NXPH1: variants seen among roughly 807,000 people sequenced by gnomAD.
The protein encoded by NXPH1 is neurexophilin-1.
NXPH1 carries 5 observed loss-of-function variants against 23.7 expected under a neutral mutation model. The observed-to-expected ratio is 0.21, with a 90% CI of 0.11 to 0.44. NXPH1 has a LOEUF of 0.44. Among genes scored for constraint, NXPH1 ranks in the 20% least tolerant of loss-of-function variants. The pLI, the probability that NXPH1 is intolerant of heterozygous loss-of-function variation, is 0.99. For synonymous variants in NXPH1, 144 were observed against 122.2 expected, an observed-to-expected ratio of 1.18 and a Z score of -1.18; for missense variants, 324 against 321.6, an observed-to-expected ratio of 1.01 and a Z score of -0.06.
chr7:8,595,892 T>A (rs1819212022), intron 2 of NXPH1, among the ~76,000 whole-genome samples: 1 of 152,042 alleles, frequency 6.6e-6, no homozygotes, highest in Admixed American at 6.6e-5. Flanking sequence ...TGTTCTCTAC[T>A]CTTAAAAGGT....
chr7:8,537,645 C>G (rs934691088), intron 2 of NXPH1, among the ~76,000 whole-genome samples: 1 of 151,880 alleles, frequency 6.6e-6, no homozygotes, highest in Non-Finnish European at 1.5e-5. Context: ...AGTGGGGACA[C>G]AGCAAAACCA....
At chr7:8,447,987 A>G (rs1816434335) in intron 2 of NXPH1, among the ~76,000 whole-genome samples, 1 of 152,212 alleles carries the variant, frequency 6.6e-6, no homozygotes, top group Non-Finnish European at 1.5e-5. Flanking sequence ...GGACCTGGCC[A>G]TAACAGAGAG....
At chr7:8,492,164 A>C (rs987522476) in intron 2 of NXPH1, among the ~76,000 whole-genome samples, 1 of 152,060 alleles carries the variant, frequency 6.6e-6, no homozygotes, top group Non-Finnish European at 1.5e-5. Context: ...TCCTTACTGC[A>C]CTTTTATTGT....
intron 2 of NXPH1, among the ~76,000 whole-genome samples, chr7:8,524,960 C>A (rs1817839397): frequency 6.6e-6 from 1 of 152,114 alleles, no homozygotes; most frequent in African/African-American, 2.4e-5. Context: ...TGGGGTATCA[C>A]TGAAAAGATA....
chr7:8,439,586 A>G (rs1267369338), intron 2 of NXPH1, among the ~76,000 whole-genome samples: 1 of 152,248 alleles, frequency 6.6e-6, no homozygotes, highest in South Asian at 2.1e-4. Context: ...CTAATAATCA[A>G]GTTGCTTTTT....
At chr7:8,699,861 T>A (rs1779593825) in intron 2 of NXPH1, among the ~76,000 whole-genome samples, 1 of 152,166 alleles carries the variant, frequency 6.6e-6, no homozygotes, top group Non-Finnish European at 1.5e-5. Flanking sequence ...TGATTTGTGC[T>A]GTCTTTGTCT....
intron 2 of NXPH1, among the ~76,000 whole-genome samples, chr7:8,694,601 A>G (rs1354561982): frequency 2.0e-5 from 3 of 152,114 alleles, no homozygotes; most frequent in African/African-American, 7.2e-5. Context: ...TATTTTTTTC[A>G]TATTTGATTC....
rs1816162978 is a variant in NXPH1 at position 8,434,943 on chromosome 7, A to C, written c.-111+188A>C. On this transcript the variant is annotated intron_variant, in intron 1 of 2. Coordinates refer to ENST00000405863, the MANE Select transcript of NXPH1 (RefSeq NM_152745.3). This position sits in a 1 kb window ranked among gnomAD's most constrained non-coding sequence, Gnocchi z 7.6. The stretch of plus-strand genomic sequence containing the variant: ...CGGCTGTACCCTTTGGCTCGAAAAA[A>C]GTAGTGCTAGAGATGTGACTGTGAG... 6.6e-6 allele frequency: 1 copy of C among 152,168 alleles called. No homozygotes were observed. The highest frequency in any genetic ancestry group is 2.1e-4 in the South Asian group (1 of 4,810). 9.4% of individuals were successfully genotyped at this position (152,168 alleles called of 1,614,324 possible). A position where few individuals can be genotyped will look rare whatever the true frequency, so the allele number is the denominator to read the frequency against.
chr7:8,644,691 C>T (rs927294484), intron 2 of NXPH1, among the ~76,000 whole-genome samples: 4 of 151,906 alleles, frequency 2.6e-5, no homozygotes, highest in South Asian at 2.1e-4. Context: ...TATAAAATAT[C>T]TAATATCTAA....
chr7:8,551,866 C>G (rs748670102), intron 2 of NXPH1, among the ~76,000 whole-genome samples: 4 of 151,448 alleles, frequency 2.6e-5, no homozygotes, highest in Middle Eastern at 3.4e-3. Context: ...AGTCTAATAG[C>G]TTTCTTCACC....
chr7:8,572,160 T>G (rs553192257), intron 2 of NXPH1, among the ~76,000 whole-genome samples: 1 of 152,082 alleles, frequency 6.6e-6, no homozygotes, highest in Non-Finnish European at 1.5e-5. Context: ...TTAAAAAGAA[T>G]CATTATCTGA....
chr7:8,447,711 G>C (rs947804751), intron 2 of NXPH1, among the ~76,000 whole-genome samples: 2 of 152,188 alleles, frequency 1.3e-5, no homozygotes, highest in African/African-American at 4.8e-5. Flanking sequence ...GTTTAATCCT[G>C]CCTTGCATTC....
chr7:8,561,170 A>T (rs926091078), intron 2 of NXPH1, among the ~76,000 whole-genome samples: 4 of 151,548 alleles, frequency 2.6e-5, no homozygotes, highest in Admixed American at 2.6e-4. Flanking sequence ...TTGTAACTCA[A>T]TGCTTCCTTG....
At position 8,540,025 on chromosome 7, in the gene NXPH1, G is replaced by A. The variant is rs188526994; in HGVS notation, c.54+104258G>A. 3.8e-3 allele frequency among the ~76,000 whole-genome samples: 575 copies of A among 151,766 alleles called. 5 individuals carry two copies. The highest frequency in any genetic ancestry group is 4.3e-3 in the Non-Finnish European group (291 of 67,794). On this transcript the variant is annotated intron_variant, in intron 2 of 2. Transcript: ENST00000405863. ...ATGATTTTGATAGTCTCATTTAGTG[G>A]TTTTGTTGTATACTTTTTGGAAAAT...
chr7:8,487,482 T>A (rs954644979), intron 2 of NXPH1, among the ~76,000 whole-genome samples: 2 of 152,158 alleles, frequency 1.3e-5, no homozygotes, highest in African/African-American at 2.4e-5. Context: ...ATTAAACCCC[T>A]TTCCTTTATA....
intron 2 of NXPH1, among the ~76,000 whole-genome samples, chr7:8,591,743 A>G (rs1450235554): frequency 6.6e-6 from 1 of 152,020 alleles, no homozygotes; most frequent in Non-Finnish European, 1.5e-5. Context: ...GTAGGTACAC[A>G]AAATATTTTT....
At chr7:8,479,982 A>C (rs1817045809) in intron 2 of NXPH1, among the ~76,000 whole-genome samples, 1 of 152,140 alleles carries the variant, frequency 6.6e-6, no homozygotes, top group African/African-American at 2.4e-5. Flanking sequence ...TAAGATAAAA[A>C]ATAATTAATA....
At chr7:8,601,209 C>T (rs1819351787) in intron 2 of NXPH1, among the ~76,000 whole-genome samples, 1 of 151,852 alleles carries the variant, frequency 6.6e-6, no homozygotes, top group Admixed American at 6.6e-5. Context: ...GAGCCTTATG[C>T]AATTAGTTAC....
chr7:8,751,189 C>T lies in NXPH1; in HGVS notation c.236C>T (p.Pro79Leu). 6.2e-7 allele frequency: 1 copy of T among 1,613,780 alleles called. No homozygotes were observed. Among genetic ancestry groups the T allele is most frequent in the South Asian group, 1.1e-5 (1 of 91,082 alleles). ...GATTTGGACCTGAGATATGACACCCCAGAACCTTATTCTGAGCAAGACCTC... is the reference window on the plus strand; with the variant it reads ...GATTTGGACCTGAGATATGACACCCTAGAACCTTATTCTGAGCAAGACCTC... ...DTDLDLRYDT[P>L]EPYSEQDLWD... The change falls in exon 3 of 3, where the codon CCA becomes CTA. Residue 79 changes from proline to leucine, a missense_variant. Transcript: ENST00000405863. This position sits in a 1 kb window ranked among gnomAD's most constrained non-coding sequence, Gnocchi z 4.5.
Sources: gnomAD v4.1 joint callset for allele counts (sites outside exome capture counted in the v4.1 genomes callset) on GRCh38, gnomAD v4.1.1 for gene constraint, Gnocchi (gnomAD v3.1) non-coding constraint, MANE v1.5 for transcripts, NCBI Gene and HGNC (gene_info 2026-07-23, HGNC 2026-07-21) for gene names.